The following KAZN variants were observed in gnomAD, a reference collection of about 807,000 sequenced individuals.
KAZN encodes the protein kazrin, periplakin interacting protein.
Under a neutral mutation model 87.4 loss-of-function variants are expected in KAZN, and 40 were observed. That is an observed-to-expected ratio of 0.46 (90% CI 0.36 to 0.60). The LOEUF is 0.60. Among genes scored for constraint, KAZN ranks in the 20% least tolerant of loss-of-function variants. The pLI is 0.00. For synonymous variants in KAZN, 466 were observed against 458.3 expected (o/e 1.02, Z -0.22); for missense variants, 898 against 1,073.9 (o/e 0.84, Z 2.29).
chr1:14,153,364 A>G (rs1645518433), intron 1 of KAZN, among the ~76,000 whole-genome samples: 1 of 152,032 alleles, frequency 6.6e-6, no homozygotes, highest in African/African-American at 2.4e-5. Flanking sequence ...TTTTGATTCC[A>G]TTTTCGTATA....
At chr1:14,277,043 A>C (rs912135845) in intron 2 of KAZN, among the ~76,000 whole-genome samples, 34 of 152,230 alleles carry the variant, frequency 2.2e-4, no homozygotes, top group Admixed American at 1.4e-3. Flanking sequence ...TCACAAAATA[A>C]GTTTTAGAAA....
chr1:13,946,275 T>C (rs6429812), intron 1 of KAZN, among the ~76,000 whole-genome samples: 127,419 of 152,120 alleles, frequency 0.84, 53,420 homozygotes, highest in South Asian at 0.94. Flanking sequence ...TTCTAAAGCA[T>C]GGTTTTTGTT....
intron 8 of KAZN, among the ~76,000 whole-genome samples, chr1:15,093,697 AAGC>A (rs1640663248): frequency 6.6e-6 from 1 of 152,232 alleles, no homozygotes; most frequent in Non-Finnish European, 1.5e-5. Flanking sequence ...GTGTAAAGAT[AAGC>A]TATCCATTTA....
intron 1 of KAZN, among the ~76,000 whole-genome samples, chr1:14,733,776 C>G (rs1643790425): frequency 6.6e-6 from 1 of 152,196 alleles, no homozygotes; most frequent in Non-Finnish European, 1.5e-5. Flanking sequence ...TTTCTCGCAT[C>G]TGAACCACCT....
intron 1 of KAZN, among the ~76,000 whole-genome samples, chr1:13,985,471 C>T (rs1203189266): frequency 2.0e-5 from 3 of 146,884 alleles, no homozygotes; most frequent in Non-Finnish European, 3.0e-5. Context: ...AAACCAAACA[C>T]CGCATATTCT....
At chr1:14,793,713 C>T (rs1411649591) in intron 1 of KAZN, among the ~76,000 whole-genome samples, 2 of 151,262 alleles carry the variant, frequency 1.3e-5, no homozygotes, top group Non-Finnish European at 1.5e-5. Flanking sequence ...AGAACAGGGC[C>T]TAGTTTGTAT....
At chr1:14,861,972 T>C (rs547890844) in intron 1 of KAZN, among the ~76,000 whole-genome samples, 1 of 152,330 alleles carries the variant, frequency 6.6e-6, no homozygotes, top group South Asian at 2.1e-4. Flanking sequence ...TCTAGCTGCA[T>C]GTAGAAGCTG....
At chr1:14,078,535 A>C (rs1396083536) in intron 1 of KAZN, among the ~76,000 whole-genome samples, 6 of 152,200 alleles carry the variant, frequency 3.9e-5, no homozygotes, top group Non-Finnish European at 8.8e-5. Flanking sequence ...CAGCATAAAC[A>C]TATTTCTCAC....
chr1:14,490,777 A>G, intron 2 of KAZN, among the ~76,000 whole-genome samples: 1 of 152,328 alleles, frequency 6.6e-6, no homozygotes, highest in South Asian at 2.1e-4. Flanking sequence ...GATTTTTTAA[A>G]TGTAGAAAAA....
intron 2 of KAZN, among the ~76,000 whole-genome samples, chr1:14,270,826 A>G (rs989147444): frequency 6.6e-6 from 1 of 151,874 alleles, no homozygotes; most frequent in African/African-American, 2.4e-5. Flanking sequence ...TCTTCCCTTC[A>G]ATGCTTTATT....
At chr1:14,561,718 A>G (rs1366257799) in intron 2 of KAZN, among the ~76,000 whole-genome samples, 2 of 152,112 alleles carry the variant, frequency 1.3e-5, no homozygotes, top group Non-Finnish European at 2.9e-5. Flanking sequence ...GACCTGGCCA[A>G]TATGATGAAA....
At chr1:14,947,921 GA>G (rs1372316494) in intron 1 of KAZN, among the ~76,000 whole-genome samples, 1 of 152,218 alleles carries the variant, frequency 6.6e-6, no homozygotes, top group African/African-American at 2.4e-5. Context: ...AAATGGCTTT[GA>G]GGCAGAACTT....
chr1:14,418,364 A>T (rs1267139736), intron 2 of KAZN, among the ~76,000 whole-genome samples: 1 of 152,176 alleles, frequency 6.6e-6, no homozygotes, highest in Admixed American at 6.5e-5. Flanking sequence ...AAAGGAGATA[A>T]TATGCATAAA....
intron 2 of KAZN, among the ~76,000 whole-genome samples, chr1:15,026,858 G>C (rs1478698207): frequency 3.2e-4 from 49 of 152,094 alleles, no homozygotes; most frequent in Admixed American, 3.2e-3. Flanking sequence ...AGGTAATTTA[G>C]AGATGATTTA....
chr1:14,327,924 A>G (rs1395123846), intron 2 of KAZN, among the ~76,000 whole-genome samples: 1 of 152,236 alleles, frequency 6.6e-6, no homozygotes, highest in Non-Finnish European at 1.5e-5. Flanking sequence ...AGCTATCTGG[A>G]AGTGAATCTT....
chr1:14,650,574 C>T (rs890277712), intron 1 of KAZN, among the ~76,000 whole-genome samples: 6 of 152,090 alleles, frequency 3.9e-5, no homozygotes, highest in African/African-American at 1.4e-4. Context: ...AAAAAAGACA[C>T]AATGGGACCA....
At chr1:14,761,732 C>T (rs1644744448) in intron 1 of KAZN, among the ~76,000 whole-genome samples, 2 of 152,128 alleles carry the variant, frequency 1.3e-5, no homozygotes, top group Admixed American at 6.6e-5. Context: ...GCCTGAGCAA[C>T]CCTCACTTTT....
intron 2 of KAZN, among the ~76,000 whole-genome samples, chr1:14,354,971 TAAAC>T (rs1262732597): frequency 2.6e-5 from 4 of 151,950 alleles, no homozygotes; most frequent in Non-Finnish European, 5.9e-5. Flanking sequence ...GGAGAATGGA[TAAAC>T]AAACTGGCAT....
chr1:14,154,178 C>G (rs902844669), intron 1 of KAZN, among the ~76,000 whole-genome samples: 1 of 152,082 alleles, frequency 6.6e-6, no homozygotes, highest in Non-Finnish European at 1.5e-5. Context: ...CAATTTCTTT[C>G]GTCAGTGTTC....
Sources: gnomAD v4.1 joint callset for allele counts (sites outside exome capture counted in the v4.1 genomes callset) on GRCh38, gnomAD v4.1.1 for gene constraint, MANE v1.5 for transcripts, NCBI Gene and HGNC (gene_info 2026-07-23, HGNC 2026-07-21) for gene names.